PVT1: variants seen among roughly 807,000 people sequenced by gnomAD.
PVT1 encodes the protein CXCR4/PVT1 fusion.
intron 4 of PVT1, among the ~76,000 whole-genome samples, chr8:127,990,150 A>G (rs151029358): frequency 6.6e-6 from 1 of 152,332 alleles, no homozygotes; most frequent in African/African-American, 2.4e-5. Flanking sequence ...AACAGCTGAG[A>G]ATCACCTTCC....
chr8:128,091,877 A>T (rs1814359108), intron 5 of PVT1, among the ~76,000 whole-genome samples: 1 of 152,218 alleles, frequency 6.6e-6, no homozygotes, highest in Non-Finnish European at 1.5e-5. Context: ...GTATGTCTCC[A>T]TTCCAGGCTT....
chr8:127,998,818 C>CCCTTCCTTCCCT (rs761730105), intron 4 of PVT1, among the ~76,000 whole-genome samples: 2 of 120,700 alleles, frequency 1.7e-5, no homozygotes, highest in African/African-American at 6.7e-5. Context: ...TCTCCTCCTC[C>CCCTTCCTTCCCT]CCTTCCTTCC....
chr8:127,912,942 C>T (rs1815924798), intron 3 of PVT1, among the ~76,000 whole-genome samples: 1 of 152,262 alleles, frequency 6.6e-6, no homozygotes, highest in Non-Finnish European at 1.5e-5. Flanking sequence ...AGGTAATCCA[C>T]CTGCCTTCAC....
chr8:127,913,713 T>G (rs144756575), intron 3 of PVT1, among the ~76,000 whole-genome samples: 15 of 152,260 alleles, frequency 9.9e-5, no homozygotes, highest in African/African-American at 2.9e-4. Flanking sequence ...GACCACTGAT[T>G]CCTTGAAATC....
chr8:128,074,229 G>A (rs1014926393), intron 5 of PVT1, among the ~76,000 whole-genome samples: 3 of 152,124 alleles, frequency 2.0e-5, no homozygotes, highest in African/African-American at 4.8e-5. Context: ...TATCCCGACC[G>A]GGCACAGTGG....
At chr8:128,057,755 C>T (rs1270169509) in intron 4 of PVT1, among the ~76,000 whole-genome samples, 1 of 152,180 alleles carries the variant, frequency 6.6e-6, no homozygotes, top group Non-Finnish European at 1.5e-5. Context: ...CGGATCTCGG[C>T]ATTAAATCTC....
At position 127,989,768 on chromosome 8, in the gene PVT1, G is replaced by C. The variant is rs142813632; in HGVS notation, n.912+477G>C. 3.5e-3 allele frequency among the ~76,000 whole-genome samples: 532 copies of C among 152,246 alleles called. 3 individuals are homozygous for C. Among genetic ancestry groups the C allele is most frequent in the African/African-American group, 0.012 (517 of 41,536 alleles). Reference sequence around the variant, plus strand: ...TATGCTCCTTCCACACTAAGGCTGAGGGTGCAGGAGGTAAAGGGTTAGAGG... The same window carrying C: ...TATGCTCCTTCCACACTAAGGCTGACGGTGCAGGAGGTAAAGGGTTAGAGG... On this transcript the variant is annotated intron_variant and non_coding_transcript_variant, in intron 4 of 10. Transcript: ENST00000651587.
At chr8:127,871,254 C>T (rs1380766159) in intron 2 of PVT1, among the ~76,000 whole-genome samples, 2 of 152,222 alleles carry the variant, frequency 1.3e-5, no homozygotes, top group Non-Finnish European at 2.9e-5. Context: ...CACATTTTGG[C>T]CTGGAGTTAG....
At chr8:127,794,535 C>T (rs1814371596), upstream of PVT1, 1 of 151,368 alleles carries the variant, frequency 6.6e-6, no homozygotes, top group African/African-American at 2.4e-5. Context: ...CCGCGCTCCT[C>T]CGGGCAGAGC....
intron 3 of PVT1, among the ~76,000 whole-genome samples, chr8:127,901,821 T>C (rs1815762699): frequency 1.3e-5 from 2 of 151,924 alleles, no homozygotes; most frequent in South Asian, 4.2e-4. Flanking sequence ...AGGCTAGTCT[T>C]AAAGTCCTGA....
At chr8:127,872,630 C>A (rs111924122) in intron 2 of PVT1, among the ~76,000 whole-genome samples, 3 of 152,296 alleles carry the variant, frequency 2.0e-5, no homozygotes, top group African/African-American at 7.2e-5. Flanking sequence ...ACTTCAAACA[C>A]TACAGAAATG....
chr8:127,837,382 G>A (rs1393164879), intron 2 of PVT1, among the ~76,000 whole-genome samples: 10 of 123,492 alleles, frequency 8.1e-5, no homozygotes, highest in Non-Finnish European at 1.3e-4. Flanking sequence ...TCACTGAAGC[G>A]TTTTTTGTTG....
intron 2 of PVT1, among the ~76,000 whole-genome samples, chr8:127,866,091 A>AG (rs147742021): frequency 0.035 from 5,373 of 152,210 alleles, 336 homozygotes; most frequent in African/African-American, 0.12. Flanking sequence ...TTGGTGCATT[A>AG]GGGACCCCTT....
chr8:127,827,148 A>C (rs891573878), intron 2 of PVT1, among the ~76,000 whole-genome samples: 1 of 151,912 alleles, frequency 6.6e-6, no homozygotes, highest in African/African-American at 2.4e-5. Flanking sequence ...GGCATGTGCC[A>C]CCATGCCCAG....
At chr8:127,820,483 A>T (rs1007899881) in intron 2 of PVT1, among the ~76,000 whole-genome samples, 1 of 152,192 alleles carries the variant, frequency 6.6e-6, no homozygotes, top group African/African-American at 2.4e-5. Context: ...GATGAACAGA[A>T]TGGTTCATTA....
chr8:127,947,963 C>T (rs1816445607), intron 3 of PVT1: 2 of 456,550 alleles, frequency 4.4e-6, no homozygotes, highest in African/African-American at 2.0e-5. Context: ...TCTGCAGAGC[C>T]TGTGCACAGG....
chr8:127,881,753 G>A (rs1044944391), intron 2 of PVT1, among the ~76,000 whole-genome samples: 10 of 151,802 alleles, frequency 6.6e-5, no homozygotes, highest in Admixed American at 2.6e-4. Flanking sequence ...CACCACACCC[G>A]GCCTATTATT....
intron 4 of PVT1, among the ~76,000 whole-genome samples, chr8:128,021,749 T>G (rs1184182419): frequency 6.6e-6 from 1 of 152,218 alleles, no homozygotes; most frequent in Non-Finnish European, 1.5e-5. Flanking sequence ...CTCATTTATG[T>G]GCTATTTTAA....
intron 3 of PVT1, among the ~76,000 whole-genome samples, chr8:127,985,102 C>G (rs1208159325): frequency 6.7e-6 from 1 of 149,332 alleles, no homozygotes; most frequent in African/African-American, 2.5e-5. Context: ...GGCGTGATCT[C>G]GGCTCACTGT....
Sources: gnomAD v4.1 joint callset for allele counts (sites outside exome capture counted in the v4.1 genomes callset) on GRCh38, gnomAD v4.1.1 for gene constraint, MANE v1.5 for transcripts, NCBI Gene and HGNC (gene_info 2026-07-23, HGNC 2026-07-21) for gene names.